MEIS1: variants seen among roughly 807,000 people sequenced by gnomAD.
MEIS1 encodes homeobox protein Meis1.
MEIS1 carries 5 observed loss-of-function variants against 50.8 expected under a neutral mutation model. The observed-to-expected ratio is 0.10, with a 90% CI of 0.05 to 0.21. MEIS1 has a LOEUF of 0.21. MEIS1 is among the 10% of genes least tolerant of loss of function. The pLI is 1.00. For missense variants in MEIS1, 318 were observed against 517.3 expected (o/e 0.61, Z 3.74); for synonymous variants, 176 against 179.3 (o/e 0.98, Z 0.15).
chr2:66,487,812 C>G (rs912898737), intron 7 of MEIS1, among the ~76,000 whole-genome samples: 2 of 152,158 alleles, frequency 1.3e-5, no homozygotes, highest in African/African-American at 2.4e-5. Context: ...TTCTAAGAAC[C>G]AAGTTGAAAG....
intron 8 of MEIS1, among the ~76,000 whole-genome samples, chr2:66,520,798 A>G (rs1208956347): frequency 6.6e-6 from 1 of 152,170 alleles, no homozygotes; most frequent in Non-Finnish European, 1.5e-5. Flanking sequence ...ACAAAAATGA[A>G]ATTTAGAGAA....
At chr2:66,553,694 T>C (rs926789840) in intron 9 of MEIS1, among the ~76,000 whole-genome samples, 1 of 152,222 alleles carries the variant, frequency 6.6e-6, no homozygotes, top group Admixed American at 6.5e-5. Flanking sequence ...GCTTTTTTTT[T>C]CCTTCAGATT....
At chr2:66,512,026 T>C (rs1456375997) in intron 7 of MEIS1, 123 bp from the exon 8 acceptor site, 1 of 1,145,000 alleles carries the variant, frequency 8.7e-7, no homozygotes, top group African/African-American at 1.6e-5. Context: ...AAAAAAACAG[T>C]ACCAAAGAAA....
intron 6 of MEIS1, among the ~76,000 whole-genome samples, chr2:66,455,148 T>C (rs545074064): frequency 6.6e-6 from 1 of 152,320 alleles, no homozygotes; most frequent in South Asian, 2.1e-4. Context: ...TTTAGCATAT[T>C]GAGGCTTTAT....
chr2:66,442,571 A>T (rs1367450244), intron 5 of MEIS1, among the ~76,000 whole-genome samples: 1 of 152,180 alleles, frequency 6.6e-6, no homozygotes, highest in African/African-American at 2.4e-5. Flanking sequence ...AAGTCACTGG[A>T]TGAAATTAAA....
intron 9 of MEIS1, among the ~76,000 whole-genome samples, chr2:66,552,798 T>G (rs1439090417): frequency 1.3e-5 from 2 of 152,154 alleles, no homozygotes; most frequent in African/African-American, 2.4e-5. Flanking sequence ...TTACAAATAA[T>G]CAAAGATTCT....
At chr2:66,526,328 C>G (rs2103883342) in intron 8 of MEIS1, among the ~76,000 whole-genome samples, 1 of 152,266 alleles carries the variant, frequency 6.6e-6, no homozygotes, top group Non-Finnish European at 1.5e-5. Flanking sequence ...ATAAGGAATC[C>G]AAAAGCCATT....
intron 10 of MEIS1, 148 bp from the exon 11 acceptor site, chr2:66,568,519 A>ACACC: frequency 3.2e-6 from 1 of 309,372 alleles, no homozygotes; most frequent in Non-Finnish European, 5.7e-6. Context: ...CTAGTCTGAG[A>ACACC]GAAATTTCAC....
intron 7 of MEIS1, among the ~76,000 whole-genome samples, chr2:66,481,006 A>G (rs2103783987): frequency 1.3e-5 from 2 of 151,904 alleles, no homozygotes; most frequent in East Asian, 3.9e-4. Flanking sequence ...TGTTAAAAAA[A>G]AAAACAAAAA....
intron 7 of MEIS1, among the ~76,000 whole-genome samples, chr2:66,489,541 A>C (rs977495686): frequency 4.6e-5 from 7 of 152,300 alleles, no homozygotes; most frequent in Non-Finnish European, 1.0e-4. Flanking sequence ...AAATATTGGA[A>C]GCTCTCAGGA....
At chr2:66,459,808 CAA>C (rs1672478052) in intron 6 of MEIS1, among the ~76,000 whole-genome samples, 1 of 152,120 alleles carries the variant, frequency 6.6e-6, no homozygotes, top group Non-Finnish European at 1.5e-5. Context: ...TTGGTGGAGA[CAA>C]AGAGTTTAGC....
chr2:66,548,613 T>C (rs1674847290), intron 9 of MEIS1, among the ~76,000 whole-genome samples: 1 of 152,180 alleles, frequency 6.6e-6, no homozygotes, highest in Admixed American at 6.5e-5. Flanking sequence ...TGAGATTATG[T>C]ACCAAGTACC....
At chr2:66,446,499 T>C (rs1037934693) in intron 6 of MEIS1, among the ~76,000 whole-genome samples, 1 of 152,118 alleles carries the variant, frequency 6.6e-6, no homozygotes, top group Non-Finnish European at 1.5e-5. Context: ...TGCTCGGGCC[T>C]CAGCGGTGGC....
At chr2:66,494,602 C>A (rs1673353085) in intron 7 of MEIS1, among the ~76,000 whole-genome samples, 1 of 152,204 alleles carries the variant, frequency 6.6e-6, no homozygotes, top group African/African-American at 2.4e-5. Flanking sequence ...GTAATATCAG[C>A]TATAATTCGC....
chr2:66,502,982 G>C (rs2103833841), intron 7 of MEIS1, among the ~76,000 whole-genome samples: 1 of 152,284 alleles, frequency 6.6e-6, no homozygotes, highest in East Asian at 1.9e-4. Flanking sequence ...AAATACATTT[G>C]AAATGTCCAA....
intron 9 of MEIS1, among the ~76,000 whole-genome samples, chr2:66,554,055 G>C (rs1674991078): frequency 6.6e-6 from 1 of 152,192 alleles, no homozygotes. Context: ...TTCTCAGGAG[G>C]ACAAGACACT....
At chr2:66,486,279 G>A (rs765575321) in intron 7 of MEIS1, among the ~76,000 whole-genome samples, 2 of 152,184 alleles carry the variant, frequency 1.3e-5, no homozygotes, top group Non-Finnish European at 2.9e-5. Context: ...TTTGTATAAG[G>A]TGTAAGGAAG....
At chr2:66,558,476 T>C (rs1358301600) in intron 9 of MEIS1, among the ~76,000 whole-genome samples, 2 of 152,146 alleles carry the variant, frequency 1.3e-5, no homozygotes, top group East Asian at 3.8e-4. Context: ...CGAGAGATTG[T>C]TTTCCTTTAA....
At chr2:66,450,946 T>G (rs939384868) in intron 6 of MEIS1, among the ~76,000 whole-genome samples, 1 of 152,158 alleles carries the variant, frequency 6.6e-6, no homozygotes, top group South Asian at 2.1e-4. Flanking sequence ...TTGGAAACCT[T>G]CTATGCCTGA....
Sources: allele counts gnomAD v4.1 joint callset (sites outside exome capture counted in the v4.1 genomes callset), GRCh38; gene constraint gnomAD v4.1.1; transcripts MANE v1.5; gene names NCBI Gene and HGNC (gene_info 2026-07-23, HGNC 2026-07-21).